The following CDH12 variants were observed in gnomAD, a reference collection of about 807,000 sequenced individuals.
CDH12 encodes cadherin 12.
CDH12 carries 41 observed loss-of-function variants against 74.1 expected under a neutral mutation model. The observed-to-expected ratio is 0.55, with a 90% confidence interval of 0.43 to 0.72. The LOEUF (loss-of-function observed/expected upper bound fraction) is 0.72, where lower values mean the gene tolerates loss of function less well. Ranked by LOEUF, CDH12 falls within the 30% of genes least tolerant of loss-of-function variation. The probability of loss-of-function intolerance (pLI) is 0.00; values close to 1 mark genes in which losing one functional copy is unlikely to be tolerated. For synonymous variants in CDH12, 399 were observed against 355.0 expected (o/e 1.12, Z -1.39); for missense variants, 945 against 977.2 (o/e 0.97, Z 0.44).
At position 22,194,507 on chromosome 5, in the gene CDH12, T is replaced by A. The variant is rs538344088; in HGVS notation, c.-187+17991A>T. 1.1e-4 allele frequency among the ~76,000 whole-genome samples: 16 copies of A among 151,996 alleles called. 3 individuals carry two copies. Among genetic ancestry groups the A allele is most frequent in the African/African-American group, 3.9e-4 (16 of 41,474 alleles). ...CCCCCATGCCCGCCTAATTTTTGTA[T>A]TTTTAGTAGAGACAGGGTTTCACCA... On this transcript the variant is annotated intron_variant, in intron 4 of 14. Transcript: ENST00000382254.
At chr5:22,680,467 C>G (rs1007312899) in intron 1 of CDH12, among the ~76,000 whole-genome samples, 1 of 151,904 alleles carries the variant, frequency 6.6e-6, no homozygotes, top group African/African-American at 2.4e-5. Context: ...ATATCCAACT[C>G]ACGTATTTTA....
At chr5:22,540,759 G>T (rs1282468348) in intron 1 of CDH12, among the ~76,000 whole-genome samples, 1 of 152,100 alleles carries the variant, frequency 6.6e-6, no homozygotes, top group Non-Finnish European at 1.5e-5. Flanking sequence ...AGTATTTCAA[G>T]AAAATTCACT....
chr5:22,675,054 A>C (rs902506019), intron 1 of CDH12, among the ~76,000 whole-genome samples: 2 of 152,216 alleles, frequency 1.3e-5, no homozygotes, highest in African/African-American at 4.8e-5. Context: ...CATAAGTAAC[A>C]AGGAGTCAAG....
rs558833162 is a variant in CDH12, at chr5:22,692,970, T to G, written c.-523+160088A>C. On this transcript the variant is annotated intron_variant, in intron 1 of 14. Coordinates refer to ENST00000382254, the MANE Select transcript of CDH12 (RefSeq NM_004061.5). ...TTGAATTCACACCAAACACTAAATA[T>G]TATTATTCCCTTTTGACTTACTCCA... Among the ~76,000 whole-genome samples the G allele has an allele frequency of 3.3e-5, 5 of 152,294 alleles. No homozygotes were observed. In the South Asian group the frequency reaches 8.3e-4, roughly 25 times the overall value.
At chr5:21,811,850 G>C (rs1747765342) in intron 9 of CDH12, among the ~76,000 whole-genome samples, 1 of 151,556 alleles carries the variant, frequency 6.6e-6, no homozygotes, top group Non-Finnish European at 1.5e-5. Flanking sequence ...ATGTTCCTCT[G>C]AATTCGAAGT....
At chr5:22,232,833 T>C (rs533511226) in intron 3 of CDH12, among the ~76,000 whole-genome samples, 32 of 148,554 alleles carry the variant, frequency 2.2e-4, no homozygotes, top group East Asian at 2.1e-3. Flanking sequence ...GCTAAAGTTT[T>C]CTCCTGTTCT....
intron 5 of CDH12, among the ~76,000 whole-genome samples, chr5:22,063,988 TACACACACACAC>T (rs10552100): frequency 2.0e-5 from 3 of 146,762 alleles, no homozygotes; most frequent in African/African-American, 7.5e-5. Context: ...ATTATGGAGA[TACACACACACAC>T]ACACACACAC....
chr5:22,335,562 G>A lies in CDH12; in HGVS notation c.-333+69695C>T, dbSNP rs1036419541. On this transcript the variant is annotated intron_variant, in intron 3 of 14. Transcript: ENST00000382254. ...GTGGCAACACTGCACTCCAGGCTGG[G>A]TGACAGAGTAAGACTCCATCTCAAA... is the stretch of plus-strand genomic sequence containing the variant. 2.6e-5 allele frequency among the ~76,000 whole-genome samples: 4 copies of A among 151,648 alleles called. No individual in the cohort carries two copies. The South Asian group carries it at 6.2e-4, about 24-fold the overall frequency.
chr5:22,409,361 C>T (rs1743084654), intron 2 of CDH12, among the ~76,000 whole-genome samples: 1 of 151,856 alleles, frequency 6.6e-6, no homozygotes, highest in Non-Finnish European at 1.5e-5. Context: ...CAAAGAGTGT[C>T]TATAAATTAA....
intron 1 of CDH12, among the ~76,000 whole-genome samples, chr5:22,615,326 A>G (rs549515442): frequency 2.0e-5 from 3 of 152,116 alleles, no homozygotes; most frequent in Non-Finnish European, 4.4e-5. Context: ...CTGAAATAAT[A>G]TATTTTTTAT....
At chr5:22,589,094 A>C (rs1484548223) in intron 1 of CDH12, among the ~76,000 whole-genome samples, 1 of 152,088 alleles carries the variant, frequency 6.6e-6, no homozygotes, top group African/African-American at 2.4e-5. Flanking sequence ...GGCTGTTCCC[A>C]ATATGGGCTT....
chr5:22,560,573 A>C (rs549985002), intron 1 of CDH12, among the ~76,000 whole-genome samples: 1 of 152,120 alleles, frequency 6.6e-6, no homozygotes, highest in Non-Finnish European at 1.5e-5. Context: ...TTTTTCAATT[A>C]CCTAAGAAGA....
chr5:22,244,531 A>G (rs1475426371), intron 3 of CDH12, among the ~76,000 whole-genome samples: 3 of 23,132 alleles, frequency 1.3e-4, no homozygotes, highest in African/African-American at 5.4e-4. Flanking sequence ...AAAAAAAAAA[A>G]AAGAAGAAGA....
At chr5:22,761,786 GA>G (rs1413892296) in intron 1 of CDH12, among the ~76,000 whole-genome samples, 1 of 152,046 alleles carries the variant, frequency 6.6e-6, no homozygotes, top group Non-Finnish European at 1.5e-5. Context: ...TAATCTTTAA[GA>G]AAATGTATAA....
At chr5:22,811,756 G>A (rs983948667) in intron 1 of CDH12, among the ~76,000 whole-genome samples, 2 of 152,054 alleles carry the variant, frequency 1.3e-5, no homozygotes, top group Non-Finnish European at 2.9e-5. Context: ...TTTCTGAAAG[G>A]GATAAGAGGA....
At chr5:22,740,381 AT>A (rs1744957533) in intron 1 of CDH12, among the ~76,000 whole-genome samples, 1 of 151,970 alleles carries the variant, frequency 6.6e-6, no homozygotes, top group Non-Finnish European at 1.5e-5. Context: ...ATGATCATGT[AT>A]TTATGCTAAA....
chr5:22,591,063 TTCTG>T (rs770952920), intron 1 of CDH12, among the ~76,000 whole-genome samples: 3 of 152,162 alleles, frequency 2.0e-5, no homozygotes, highest in Non-Finnish European at 4.4e-5. Context: ...TGCTTTCCTT[TTCTG>T]TCTAAGTGAC....
At chr5:22,384,394 T>A (rs990072021) in intron 3 of CDH12, among the ~76,000 whole-genome samples, 7 of 149,314 alleles carry the variant, frequency 4.7e-5, no homozygotes, top group Non-Finnish European at 8.9e-5. Flanking sequence ...GGCGTGATGG[T>A]GGGCGCCTGT....
intron 1 of CDH12, among the ~76,000 whole-genome samples, chr5:22,590,404 A>T (rs985281319): frequency 6.6e-6 from 1 of 152,124 alleles, no homozygotes; most frequent in Non-Finnish European, 1.5e-5. Flanking sequence ...TCCTATGATT[A>T]AAAAAACATG....
Sources: allele counts gnomAD v4.1 joint callset (sites outside exome capture counted in the v4.1 genomes callset), GRCh38; gene constraint gnomAD v4.1.1; transcripts MANE v1.5; gene names NCBI Gene and HGNC (gene_info 2026-07-23, HGNC 2026-07-21).